Variants in ZNF207 observed in about 807,000 individuals in gnomAD.
The protein encoded by ZNF207 is zinc finger protein 207.
ZNF207 carries 24 observed loss-of-function variants against 60.2 expected under a neutral mutation model. The observed-to-expected ratio is 0.40, with a 90% CI of 0.29 to 0.56. The LOEUF is 0.56. Among genes scored for constraint, ZNF207 ranks in the 20% least tolerant of loss-of-function variants. The pLI, the probability that ZNF207 is intolerant of heterozygous loss-of-function variation, is 0.49. For synonymous variants in ZNF207, 236 were observed against 194.7 expected (o/e 1.21, Z -1.77); for missense variants, 452 against 636.6 (o/e 0.71, Z 3.12).
At chr17:32,354,808 G>T (rs552650064) in intron 2 of ZNF207, among the ~76,000 whole-genome samples, 2 of 151,636 alleles carry the variant, frequency 1.3e-5, no homozygotes, top group South Asian at 4.2e-4. Context: ...TACAGATGGG[G>T]TTTCACCATC....
rs1179732523 is a variant in ZNF207, at chr17:32,351,795, T to C, written c.51T>C (p.Asn17=). 5.6e-6 allele frequency: 9 copies of C among 1,610,318 alleles called. No individual in the cohort carries two copies. Among genetic ancestry groups the C allele is most frequent in the South Asian group, 1.1e-5 (1 of 90,450 alleles). Residue 17 remains asparagine, a synonymous_variant, in exon 2 of 12, where the codon AAT becomes AAC. Coordinates refer to ENST00000394670, the MANE Select transcript of ZNF207 (RefSeq NM_001098507.2). ...TAACAGTATTGATCAGGTATTGTAA[T>C]AGAGATTTTGATGATGAGAAGATCC... The part of the protein sequence containing the change: ...KQLKPWCWYC[N]RDFDDEKILI...
At chr17:32,360,183 C>CG (rs1293817139) in intron 3 of ZNF207, among the ~76,000 whole-genome samples, 2 of 112,496 alleles carry the variant, frequency 1.8e-5, no homozygotes, top group Non-Finnish European at 4.0e-5. Flanking sequence ...TTTACCCCCC[C>CG]CCCAAAAAAA....
At chr17:32,353,410 C>T (rs973320017) in intron 2 of ZNF207, among the ~76,000 whole-genome samples, 8 of 152,076 alleles carry the variant, frequency 5.3e-5, no homozygotes, top group Admixed American at 1.3e-4. Context: ...GGTAGGGAGA[C>T]GTGATTTCTC....
At chr17:32,362,775 T>G in intron 6 of ZNF207, 139 bp from the exon 7 acceptor site, 1 of 605,600 alleles carries the variant, frequency 1.7e-6, no homozygotes, top group South Asian at 2.6e-5. Flanking sequence ...TGTGTGTTCT[T>G]TCAGCTTTGA....
At position 32,365,377 on chromosome 17, in the gene ZNF207, G is replaced by T. The variant is rs3795244; in HGVS notation, c.718G>T (p.Ala240Ser). ...PRPGIPPMTQ[A>S]QAVSAPGILN... is the part of the protein sequence containing the mutation. ...TCCTGGAATTCCTCCAATGACTCAA[G>T]CACAGGCTGTTTCAGCGCCAGGTAT... The change falls in exon 8 of 12, where the codon GCA becomes TCA. Residue 240 changes from alanine (A) to serine (S), a missense_variant. Physicochemically the swap from Ala to Ser is moderately conservative, Grantham distance 99. Transcript: ENST00000394670. 94,806 of 1,613,930 alleles carry T rather than the reference G, an allele frequency of 0.059. 3,150 individuals are homozygous for T. The highest frequency in any genetic ancestry group is 0.086 in the Middle Eastern group (519 of 6,062).
rs1246804443 is a variant in ZNF207 at position 32,379,609 on chromosome 17, CTGT to C, written c.*9857_*9859del. The C allele has an allele frequency of 1.3e-5, 2 of 152,016 alleles. No homozygotes were observed. Among genetic ancestry groups the C allele is most frequent in the Non-Finnish European group, 2.9e-5 (2 of 67,978 alleles). 9.4% of individuals were successfully genotyped at this position (152,016 alleles called of 1,614,324 possible). A position where few individuals can be genotyped will look rare whatever the true frequency, so the allele number is the denominator to read the frequency against. On this transcript the variant is annotated 3_prime_UTR_variant, in exon 12 of 12. Coordinates refer to ENST00000394670, the MANE Select transcript of ZNF207 (RefSeq NM_001098507.2). Reference sequence around the variant, plus strand: ...GAACTTCATTCTGTTCTTGTTGAAGCTGTTGTTGTGGTGATTCATGAGCAGTAA... The same window carrying C: ...GAACTTCATTCTGTTCTTGTTGAAGCTGTTGTGGTGATTCATGAGCAGTAA...
At chr17:32,368,384 T>C (rs148154152) in intron 10 of ZNF207, 348 of 195,054 alleles carry the variant, frequency 1.8e-3, no homozygotes, top group African/African-American at 7.2e-3. Flanking sequence ...AATGAATGAA[T>C]TTTGATACAA....
intron 7 of ZNF207, among the ~76,000 whole-genome samples, chr17:32,364,032 T>TTTC (rs3064673): frequency 0.8 from 119,050 of 149,036 alleles, 47,998 homozygotes; most frequent in African/African-American, 0.93. Context: ...TCCATTTTCT[T>TTTC]TTCTTCTTTT....
At position 32,371,901 on chromosome 17, in the gene ZNF207, C is replaced by T. The variant is rs542769024; in HGVS notation, c.*2142C>T. The T allele has an allele frequency of 2.0e-5, 3 of 152,296 alleles. No homozygotes were observed. Among genetic ancestry groups the T allele is most frequent in the Admixed American group, 6.5e-5 (1 of 15,298 alleles). The allele number at this position is 152,296 out of a possible 1,614,324, so 9.4% of individuals were successfully genotyped here. On this transcript the variant is annotated 3_prime_UTR_variant, in exon 12 of 12. Transcript: ENST00000394670. ...TCCCAAACCACTTTCCCCTCTGAAC[C>T]TCTGCTTACCTAAATGGTTTCAAAA...
chr17:32,353,060 G>C (rs1397851429), intron 2 of ZNF207, among the ~76,000 whole-genome samples: 1 of 152,128 alleles, frequency 6.6e-6, no homozygotes, highest in African/African-American at 2.4e-5. Flanking sequence ...TGTAATCCTG[G>C]CTACTGGGGA....
chr17:32,359,082 C>T (rs994679246), intron 3 of ZNF207, among the ~76,000 whole-genome samples: 3 of 149,076 alleles, frequency 2.0e-5, no homozygotes, highest in Admixed American at 6.7e-5. Context: ...GGATTACAGG[C>T]GCAAGCCACC....
chr17:32,367,692 C>T, intron 9 of ZNF207, 80 bp from the exon 10 acceptor site: 2 of 1,536,588 alleles, frequency 1.3e-6, no homozygotes, highest in East Asian at 2.3e-5. Flanking sequence ...AATGTTGATG[C>T]CTTGTTTTAA....
At chr17:32,355,321 C>T (rs978869559) in intron 2 of ZNF207, among the ~76,000 whole-genome samples, 1 of 152,118 alleles carries the variant, frequency 6.6e-6, no homozygotes, top group Non-Finnish European at 1.5e-5. Flanking sequence ...CTGGGGAGGA[C>T]GAGACTGCAG....
At chr17:32,363,624 G>A (rs1185654542) in intron 7 of ZNF207, among the ~76,000 whole-genome samples, 1 of 129,772 alleles carries the variant, frequency 7.7e-6, no homozygotes. Flanking sequence ...CTCTGCTTCC[G>A]GGGTTCAAGT....
rs1905514057 is a variant in ZNF207 at position 32,372,426 on chromosome 17, T to G, written c.*2667T>G. 1 of 152,192 alleles carries G rather than the reference T, an allele frequency of 6.6e-6. No individual in the cohort carries two copies. The highest frequency in any genetic ancestry group is 2.1e-4 in the South Asian group (1 of 4,816). 9.4% of individuals were successfully genotyped at this position (152,192 alleles called of 1,614,324 possible). The stretch of plus-strand genomic sequence containing the variant: ...AGGGTTAGTAGACCTGTTTCAGAAA[T>G]TATGTGAAGCTTTATTTGCATTTTA... On this transcript the variant is annotated 3_prime_UTR_variant, in exon 12 of 12. Coordinates refer to ENST00000394670, the MANE Select transcript of ZNF207 (RefSeq NM_001098507.2).
chr17:32,366,465 T>C (rs1426295975), intron 8 of ZNF207, among the ~76,000 whole-genome samples, 200 bp from the exon 9 acceptor site: 1 of 152,242 alleles, frequency 6.6e-6, no homozygotes, highest in East Asian at 1.9e-4. Flanking sequence ...TTTATTGATT[T>C]AGAATTAAAA....
Position 32,373,662 on chromosome 17 carries a change from T to C in ZNF207, c.*3903T>C. ...AAACATAAGTATTTCATATGCAATT[T>C]TATGTAATTTGCTGTGTGTTACATA... is the stretch of plus-strand genomic sequence containing the variant. On this transcript the variant is annotated 3_prime_UTR_variant, in exon 12 of 12. Coordinates refer to ENST00000394670, the MANE Select transcript of ZNF207 (RefSeq NM_001098507.2). The C allele has an allele frequency of 2.7e-6, 1 of 371,458 alleles. No homozygotes were observed. The highest frequency in any genetic ancestry group is 7.0e-4 in the Middle Eastern group (1 of 1,424). 23.0% of individuals were successfully genotyped at this position (371,458 alleles called of 1,614,324 possible).
In ZNF207 at chr17:32,358,614, C is replaced by T. The variant is rs773372968; in HGVS notation, c.280C>T (p.Arg94Ter). The T allele has an allele frequency of 2.6e-6, 4 of 1,526,522 alleles. No homozygotes were observed. Among genetic ancestry groups the T allele is most frequent in the Non-Finnish European group, 2.6e-6 (3 of 1,145,410 alleles). 94.6% of individuals were successfully genotyped at this position (1,526,522 alleles called of 1,614,324 possible). The change falls in exon 3 of 12, where the codon CGA becomes TGA. Residue 94 changes from arginine to a stop codon, truncating the protein, a stop_gained. Coordinates refer to ENST00000394670, the MANE Select transcript of ZNF207 (RefSeq NM_001098507.2). LOFTEE classifies it high-confidence loss of function. ...GIPEKDMDER[R>*]RLLEQKTQES... Reference sequence around the variant, plus strand: ...TCCAGAAAAAGACATGGATGAAAGACGACGACTTCTTGAACAGAAAACACA... The same window carrying T: ...TCCAGAAAAAGACATGGATGAAAGATGACGACTTCTTGAACAGAAAACACA...
At chr17:32,358,457 T>C in intron 2 of ZNF207, 46 bp from the exon 3 acceptor site, 1 of 1,507,310 alleles carries the variant, frequency 6.6e-7, no homozygotes. Flanking sequence ...TAACTTGGAA[T>C]TATTCTTAAA....
Sources: gnomAD v4.1 joint callset for allele counts (sites outside exome capture counted in the v4.1 genomes callset) on GRCh38, gnomAD v4.1.1 for gene constraint, MANE v1.5 for transcripts, NCBI Gene and HGNC (gene_info 2026-07-23, HGNC 2026-07-21) for gene names.